Variants in SERPINC1 observed in about 807,000 individuals in gnomAD.
SERPINC1 encodes the protein antithrombin-III.
SERPINC1 carries 12 observed loss-of-function variants against 43.4 expected under a neutral mutation model. That is an observed-to-expected ratio of 0.28 (90% CI 0.18 to 0.45). SERPINC1 has a LOEUF of 0.45. Ranked by LOEUF, SERPINC1 falls within the 20% of genes least tolerant of loss-of-function variation. The pLI is 1.00. For missense variants in SERPINC1, 423 were observed against 578.8 expected (o/e 0.73, Z 2.76); for synonymous variants, 210 against 218.9 (o/e 0.96, Z 0.36).
intron 1 of SERPINC1, among the ~76,000 whole-genome samples, chr1:173,916,398 G>T (rs2227593): frequency 0.2 from 30,577 of 152,120 alleles, 4,147 homozygotes; most frequent in African/African-American, 0.38. Context: ...GCAGCTGAGG[G>T]GGACTTGCCT....
At chr1:173,905,781 A>G (rs1657477942) in intron 6 of SERPINC1, among the ~76,000 whole-genome samples, 1 of 152,026 alleles carries the variant, frequency 6.6e-6, no homozygotes, top group African/African-American at 2.4e-5. Flanking sequence ...CATTTCTTTC[A>G]TCAAACCTAA....
Position 173,909,468 on chromosome 1 carries a change from C to G in SERPINC1, c.1153+84G>C. 2.8e-6 allele frequency: 4 copies of G among 1,442,468 alleles called. No homozygotes were observed. The East Asian group carries it at 6.8e-5, about 25-fold the overall frequency. 89.4% of individuals were successfully genotyped at this position (1,442,468 alleles called of 1,614,324 possible). A position where few individuals can be genotyped will look rare whatever the true frequency, so the allele number is the denominator to read the frequency against. The stretch of plus-strand genomic sequence containing the variant: ...ATCCAGGAGTCCTGACTTGTTGCTC[C>G]TTTCTATTCTTTCTCCAACTCTTCC... On this transcript the variant is annotated intron_variant, in intron 5 of 6. Transcript: ENST00000367698.
intron 6 of SERPINC1, among the ~76,000 whole-genome samples, chr1:173,905,724 G>GAA (rs58759841): frequency 9.1e-4 from 134 of 147,908 alleles, no homozygotes; most frequent in East Asian, 4.2e-3. Flanking sequence ...CCATTTCAAT[G>GAA]AAAAAAAAAA....
At chr1:173,910,560 G>A (rs951874727) in intron 4 of SERPINC1, among the ~76,000 whole-genome samples, 194 bp downstream of exon 4, 4 of 152,074 alleles carry the variant, frequency 2.6e-5, no homozygotes, top group Non-Finnish European at 4.4e-5. Flanking sequence ...CAGCCTGGGC[G>A]ACAGAGCGAG....
chr1:173,909,088 G>C (rs553846768), intron 5 of SERPINC1, among the ~76,000 whole-genome samples: 3 of 152,062 alleles, frequency 2.0e-5, no homozygotes, highest in Admixed American at 2.0e-4. Flanking sequence ...GCTTGAACCC[G>C]GGAGGCAGAG....
intron 4 of SERPINC1, among the ~76,000 whole-genome samples, chr1:173,910,195 G>GA (rs1309624494): frequency 6.6e-6 from 1 of 152,180 alleles, no homozygotes; most frequent in African/African-American, 2.4e-5. Flanking sequence ...GGTACATCCA[G>GA]ACCAAATGTA....
At chr1:173,906,434 G>A (rs1657514708) in intron 6 of SERPINC1, among the ~76,000 whole-genome samples, 1 of 152,218 alleles carries the variant, frequency 6.6e-6, no homozygotes, top group Non-Finnish European at 1.5e-5. Flanking sequence ...CATCTCCCAT[G>A]AGAGGATATG....
At position 173,911,811 on chromosome 1, in the gene SERPINC1, G is replaced by A. The variant is rs1007799116; in HGVS notation, c.612C>T (p.Pro204=). 1.2e-6 allele frequency: 2 copies of A among 1,613,448 alleles called. No homozygotes were observed. The highest frequency in any genetic ancestry group is 1.1e-5 in the South Asian group (1 of 91,058). ...SELVYGAKLQ[P]LDFKENAEQS... ...ATCTGCAACTCACCTTGAAGTCCAGGGGCTGGAGCTTGGCTCCATATACCA... is the reference window on the plus strand; with the variant it reads ...ATCTGCAACTCACCTTGAAGTCCAGAGGCTGGAGCTTGGCTCCATATACCA... The change falls in exon 3 of 7, where the codon CCC becomes CCT. Residue 204 remains proline, a synonymous_variant. Transcript: ENST00000367698.
At chr1:173,906,047 C>T (rs529574639) in intron 6 of SERPINC1, among the ~76,000 whole-genome samples, 9 of 152,306 alleles carry the variant, frequency 5.9e-5, no homozygotes, top group South Asian at 4.1e-4. Flanking sequence ...TCATTCTTTT[C>T]GATTTCTTTG....
At position 173,914,596 on chromosome 1, in the gene SERPINC1, G is replaced by A. The variant is rs1253864431; in HGVS notation, c.365C>T (p.Thr122Ile). The A allele has an allele frequency of 5.0e-6, 8 of 1,614,174 alleles. No homozygotes were observed. In the South Asian group the frequency reaches 8.8e-5, roughly 18 times the overall value. ...PLSISTAFAM[T>I]KLGACNDTLQ... ...GGTGTCATTACAGGCACCCAGCTTG[G>A]TCATAGCAAAAGCCGTGGAGATACT... The change falls in exon 2 of 7, where the codon ACC becomes ATC. Residue 122 changes from threonine (T) to isoleucine (I), a missense_variant. Transcript: ENST00000367698.
chr1:173,913,255 A>C (rs1037867209), intron 2 of SERPINC1, among the ~76,000 whole-genome samples: 1 of 152,174 alleles, frequency 6.6e-6, no homozygotes, highest in Non-Finnish European at 1.5e-5. Flanking sequence ...CAGATTAAAG[A>C]TCTAGTGTTT....
At position 173,914,783 on chromosome 1, in the gene SERPINC1, T is replaced by G; in HGVS notation, c.178A>C (p.Lys60Gln). 6.2e-7 allele frequency: 1 copy of G among 1,614,052 alleles called. No homozygotes were observed. The highest frequency in any genetic ancestry group is 8.5e-7 in the Non-Finnish European group (1 of 1,179,930). Residue 60 changes from lysine (K) to glutamine (Q), a missense_variant, in exon 2 of 7, where the codon AAG becomes CAG. Transcript: ENST00000367698. ...GAGCCCTCATCCTCAGTTGCCTTCT[T>G]CTCCGGGGAGCGGTAAATGCACATG... ...NPMCIYRSPEKKATEDEGSEQ... is the reference protein window; with the variant it reads ...NPMCIYRSPEQKATEDEGSEQ...
chr1:173,910,181 C>T (rs1572088994), intron 4 of SERPINC1, among the ~76,000 whole-genome samples: 1 of 152,298 alleles, frequency 6.6e-6, no homozygotes, highest in Non-Finnish European at 1.5e-5. Context: ...AATAGACAGA[C>T]TGTGGTACAT....
chr1:173,906,721 GA>G (rs974366809), intron 6 of SERPINC1, among the ~76,000 whole-genome samples: 1 of 151,810 alleles, frequency 6.6e-6, no homozygotes, highest in Non-Finnish European at 1.5e-5. Flanking sequence ...GGGCTCAAGT[GA>G]TTCTTCCATC....
At position 173,909,790 on chromosome 1, in the gene SERPINC1, G is replaced by A. The variant is rs1452194463; in HGVS notation, c.915C>T (p.Pro305=). The A allele has an allele frequency of 1.9e-6, 3 of 1,614,084 alleles. No individual in the cohort carries two copies. The Admixed American group carries it at 5.0e-5, about 27-fold the overall frequency. ...VAEGTQVLEL[P]FKGDDITMVL... The stretch of plus-strand genomic sequence containing the variant: ...CCATGGTGATGTCATCACCTTTGAA[G>A]GGCAACTCAAGCACCTGGGTGCCTT... Residue 305 remains proline (P), a synonymous_variant, in exon 5 of 7, where the codon CCC becomes CCT. Coordinates refer to ENST00000367698, the MANE Select transcript of SERPINC1 (RefSeq NM_000488.4).
chr1:173,909,995 TGACACAA>T, intron 4 of SERPINC1, 53 bp from the exon 5 acceptor site: 1 of 1,561,240 alleles, frequency 6.4e-7, no homozygotes, highest in Non-Finnish European at 8.8e-7. Context: ...GGATAGTTAT[TGACACAA>T]GACATATCCA....
chr1:173,910,873 T>C lies in SERPINC1; in HGVS notation c.643A>G (p.Arg215Gly), dbSNP rs1657745437. Residue 215 changes from arginine (R) to glycine (G), a missense_variant, in exon 4 of 7, where the codon AGA becomes GGA. Coordinates refer to ENST00000367698, the MANE Select transcript of SERPINC1 (RefSeq NM_000488.4). ...LDFKENAEQS[R>G]AAINKWVSNK... is the part of the protein sequence containing the mutation. ...GACACCCATTTGTTGATGGCCGCTC[T>C]GGATTGCTCTGCATTTTCCTGAGGA... 1 of 1,614,080 alleles carries C rather than the reference T, an allele frequency of 6.2e-7. No individual in the cohort carries two copies.
At chr1:173,915,185 C>A in intron 1 of SERPINC1, 1 of 1,340,392 alleles carries the variant, frequency 7.5e-7, no homozygotes, top group Non-Finnish European at 9.6e-7. Context: ...CAATTCCCCA[C>A]GCTGGGAGAA....
Position 173,911,728 on chromosome 1 carries a change from G to C in SERPINC1, c.624+71C>G, listed in dbSNP as rs569659982. The C allele has an allele frequency of 1.0e-4, 132 of 1,269,290 alleles. 1 individual carries two copies. In the African/African-American group the frequency reaches 1.8e-3, roughly 18 times the overall value. 78.6% of individuals were successfully genotyped at this position (1,269,290 alleles called of 1,614,324 possible). A position where few individuals can be genotyped will look rare whatever the true frequency, so the allele number is the denominator to read the frequency against. On this transcript the variant is annotated intron_variant, in intron 3 of 6. Coordinates refer to ENST00000367698, the MANE Select transcript of SERPINC1 (RefSeq NM_000488.4). ...GCAAAGCAGTGTGAATTTGGATGCTGTTTCTCCACCTCCTCAATCTCTGAG... is the reference window on the plus strand; with the variant it reads ...GCAAAGCAGTGTGAATTTGGATGCTCTTTCTCCACCTCCTCAATCTCTGAG...
Sources: allele counts gnomAD v4.1 joint callset (sites outside exome capture counted in the v4.1 genomes callset), GRCh38; gene constraint gnomAD v4.1.1; transcripts MANE v1.5; gene names NCBI Gene and HGNC (gene_info 2026-07-23, HGNC 2026-07-21).